The following PRPSAP1 variants were observed in gnomAD, a reference collection of about 807,000 sequenced individuals.
PRPSAP1 encodes phosphoribosyl pyrophosphate synthase-associated protein 1.
A neutral mutation model predicts 39.4 loss-of-function variants in PRPSAP1; 31 were observed. That is an observed-to-expected ratio of 0.79 (90% confidence interval 0.59 to 1.06). PRPSAP1 has a LOEUF of 1.06. Among genes scored for constraint, PRPSAP1 ranks in the 50% least tolerant of loss-of-function variants. The probability of loss-of-function intolerance (pLI) is 0.00; values close to 1 mark genes in which losing one functional copy is unlikely to be tolerated. For synonymous variants in PRPSAP1, 212 were observed against 192.6 expected (o/e 1.10, Z -0.83); for missense variants, 430 against 511.6 (o/e 0.84, Z 1.54).
At chr17:76,325,922 T>G (rs2071251768) in intron 7 of PRPSAP1, among the ~76,000 whole-genome samples, 1 of 152,122 alleles carries the variant, frequency 6.6e-6, no homozygotes, top group South Asian at 2.1e-4. Flanking sequence ...TAGTATTTTT[T>G]AGCAGTAAAG....
intron 3 of PRPSAP1, 25 bp from the exon 4 acceptor site, chr17:76,332,460 G>C (rs2071332777): frequency 2.5e-6 from 4 of 1,611,748 alleles, no homozygotes; most frequent in Non-Finnish European, 3.4e-6. Context: ...GTTTGTATTT[G>C]GGGATTAATT....
intron 1 of PRPSAP1, among the ~76,000 whole-genome samples, 168 bp from the exon 2 acceptor site, chr17:76,348,749 C>A (rs1158600034): frequency 6.6e-6 from 1 of 152,154 alleles, no homozygotes; most frequent in East Asian, 1.9e-4. Flanking sequence ...GCTGTCACTC[C>A]ATAAGCAGCT....
At chr17:76,329,181 C>T (rs1341223090) in intron 6 of PRPSAP1, among the ~76,000 whole-genome samples, 1 of 151,890 alleles carries the variant, frequency 6.6e-6, no homozygotes, top group Non-Finnish European at 1.5e-5. Flanking sequence ...GGTGATCCTC[C>T]CACCTCAACC....
At position 76,348,810 on chromosome 17, in the gene PRPSAP1, T is replaced by A. The variant is rs548309874; in HGVS notation, c.171-229A>T. Among the ~76,000 whole-genome samples, 373 of 152,340 alleles carry A rather than the reference T, an allele frequency of 2.4e-3. 1 individual carries two copies. Among genetic ancestry groups the A allele is most frequent in the Middle Eastern group, 0.014 (4 of 294 alleles). On this transcript the variant is annotated intron_variant, in intron 1 of 9. Coordinates refer to ENST00000446526, the MANE Select transcript of PRPSAP1 (RefSeq NM_002766.3). ...CCAGACAGAGCTCACAACCCATGGT[T>A]AATGTCTGGTGCGCGTTGTTCTTTG...
At chr17:76,352,339 G>A (rs1008562959) in intron 1 of PRPSAP1, among the ~76,000 whole-genome samples, 1 of 152,110 alleles carries the variant, frequency 6.6e-6, no homozygotes, top group East Asian at 1.9e-4. Context: ...TTCTCCAAAA[G>A]AGCCAACTAG....
intron 7 of PRPSAP1, among the ~76,000 whole-genome samples, chr17:76,322,343 C>T (rs562428224): frequency 9.0e-4 from 137 of 152,264 alleles, no homozygotes; most frequent in African/African-American, 3.1e-3. Context: ...TTGCACTAAG[C>T]CGAGATCGTG....
intron 3 of PRPSAP1, among the ~76,000 whole-genome samples, chr17:76,336,640 G>A (rs2071382379): frequency 2.2e-5 from 3 of 138,988 alleles, no homozygotes; most frequent in Admixed American, 1.6e-4. Context: ...GCTGAGGCAG[G>A]AGAATAGCTT....
At chr17:76,320,321 G>GAGGAAGGGAGGGAGGA (rs1567799176) in intron 7 of PRPSAP1, among the ~76,000 whole-genome samples, 4 of 112,576 alleles carry the variant, frequency 3.6e-5, no homozygotes, top group African/African-American at 1.8e-4. Flanking sequence ...GGGAGGAAGG[G>GAGGAAGGGAGGGAGGA]AAGAAGGGAG....
At chr17:76,350,473 A>G (rs996822270) in intron 1 of PRPSAP1, among the ~76,000 whole-genome samples, 26 of 152,054 alleles carry the variant, frequency 1.7e-4, no homozygotes, top group Non-Finnish European at 2.9e-5. Context: ...GGTACGTGCT[A>G]TGACATGAGG....
chr17:76,349,086 G>T (rs1171036067), intron 1 of PRPSAP1, among the ~76,000 whole-genome samples: 1 of 152,052 alleles, frequency 6.6e-6, no homozygotes, highest in Non-Finnish European at 1.5e-5. Context: ...CAAGGCGGGC[G>T]GATCACCTGA....
rs1240321724 is a variant in PRPSAP1, at chr17:76,313,842, T to G, written c.831A>C (p.Gly277=). The change falls in exon 8 of 10, where the codon GGA becomes GGC. Residue 277 remains glycine (G), a synonymous_variant. Transcript: ENST00000446526. ...KPPITVVGDV[G]GRIAIIVDDI... is the part of the protein sequence containing the mutation. The stretch of plus-strand genomic sequence containing the variant: ...ATACCACGATGATTGCGATGCGGCC[T>G]CCAACATCTCCAACTACAGTTATCG... 6.2e-7 allele frequency: 1 copy of G among 1,614,036 alleles called. No individual in the cohort carries two copies. Among genetic ancestry groups the G allele is most frequent in the Non-Finnish European group, 8.5e-7 (1 of 1,180,036 alleles).
chr17:76,326,657 G>A (rs1031202153), intron 7 of PRPSAP1, among the ~76,000 whole-genome samples: 2 of 152,196 alleles, frequency 1.3e-5, no homozygotes, highest in Admixed American at 6.6e-5. Context: ...CAGATTAAAT[G>A]AGACTAAAAA....
chr17:76,320,965 T>C (rs1333549544), intron 7 of PRPSAP1, among the ~76,000 whole-genome samples: 1 of 151,502 alleles, frequency 6.6e-6, no homozygotes. Context: ...TTTTTTTTTG[T>C]AGAGACAAGG....
At chr17:76,329,073 C>CT (rs2071287487) in intron 6 of PRPSAP1, 2 of 466,646 alleles carry the variant, frequency 4.3e-6, no homozygotes, top group Admixed American at 4.3e-5. Context: ...TGATTCTAGA[C>CT]ATTTTTTTTT....
chr17:76,322,350 C>A (rs774393034), intron 7 of PRPSAP1, among the ~76,000 whole-genome samples: 2 of 152,090 alleles, frequency 1.3e-5, no homozygotes, highest in Admixed American at 6.6e-5. Context: ...AAGCCGAGAT[C>A]GTGCCATTGC....
intron 6 of PRPSAP1, 70 bp downstream of exon 6, chr17:76,329,973 A>T: frequency 1.4e-6 from 2 of 1,460,890 alleles, no homozygotes; most frequent in East Asian, 4.6e-5. Flanking sequence ...CAGCCTCTGG[A>T]TTCCAAAGCA....
intron 3 of PRPSAP1, among the ~76,000 whole-genome samples, chr17:76,342,485 G>A (rs1250794061): frequency 5.3e-5 from 8 of 151,796 alleles, no homozygotes; most frequent in African/African-American, 1.7e-4. Context: ...AGGCTGAGGC[G>A]GGTGGATCAC....
At position 76,315,700 on chromosome 17, in the gene PRPSAP1, C is replaced by CTTTTTTTTTTTT. The variant is rs71161279; in HGVS notation, c.782-1821_782-1810dup. ...ACACGCAGTTATGTTGACCTATCCGCTTTTTTTTTTTTTTTTTTTTTTTTT... is the reference window on the plus strand; with the variant it reads ...ACACGCAGTTATGTTGACCTATCCGCTTTTTTTTTTTTTTTTTTTTTTTTTTTTTTTTTTTTT... On this transcript the variant is annotated intron_variant, in intron 7 of 9. Coordinates refer to ENST00000446526, the MANE Select transcript of PRPSAP1 (RefSeq NM_002766.3). Among the ~76,000 whole-genome samples, 35 of 72,678 alleles carry CTTTTTTTTTTTT rather than the reference C, an allele frequency of 4.8e-4. 5 individuals are homozygous for CTTTTTTTTTTTT. The highest frequency in any genetic ancestry group is 1.9e-3 in the African/African-American group (30 of 15,584). The allele number at this position is 72,678 out of a possible 152,430, so 47.7% of individuals were successfully genotyped here.
At chr17:76,318,870 A>G (rs1388461934) in intron 7 of PRPSAP1, among the ~76,000 whole-genome samples, 1 of 152,208 alleles carries the variant, frequency 6.6e-6, no homozygotes, top group Non-Finnish European at 1.5e-5. Context: ...ATCTCACCAC[A>G]TAAAATACTC....
Sources: allele counts gnomAD v4.1 joint callset (sites outside exome capture counted in the v4.1 genomes callset), GRCh38; gene constraint gnomAD v4.1.1; transcripts MANE v1.5; gene names NCBI Gene and HGNC (gene_info 2026-07-23, HGNC 2026-07-21).